Variants in ADCY5 observed in about 807,000 individuals in gnomAD.
The protein encoded by ADCY5 is adenylate cyclase type 5.
In ADCY5, 30 loss-of-function variants were observed where a neutral mutation model predicts 119.7. The observed-to-expected ratio is 0.25, with a 90% CI of 0.19 to 0.34. The LOEUF (loss-of-function observed/expected upper bound fraction) is 0.34, where lower values mean the gene tolerates loss of function less well. ADCY5 is among the 10% of genes least tolerant of loss of function. The pLI, the probability that ADCY5 is intolerant of heterozygous loss-of-function variation, is 1.00. For missense variants in ADCY5, 1,324 were observed against 1,775.2 expected, an observed-to-expected ratio of 0.75 and a Z score of 4.57; for synonymous variants, 753 against 762.2, an observed-to-expected ratio of 0.99 and a Z score of 0.20.
At chr3:123,408,648 T>C (rs1944966726) in intron 1 of ADCY5, among the ~76,000 whole-genome samples, 1 of 137,652 alleles carries the variant, frequency 7.3e-6, no homozygotes, top group South Asian at 2.3e-4. Flanking sequence ...AGAGCAAGAT[T>C]GCATCTAAAA....
rs1415900974 is a variant in ADCY5 at position 123,319,833 on chromosome 3, GC to G, written c.2112-16del. 1.2e-6 allele frequency: 2 copies of G among 1,611,244 alleles called. No homozygotes were observed. Among genetic ancestry groups the G allele is most frequent in the South Asian group, 1.1e-5 (1 of 91,008 alleles). On this transcript the variant is annotated splice_polypyrimidine_tract_variant and intron_variant, in intron 9 of 20. Transcript: ENST00000462833. ...CCTGGGCGTTCCTGGGGAGCAGAAG[GC>G]ACGGGCGTGAGACAGGCTGACCACA...
chr3:123,348,977 A>C (rs566151546), intron 2 of ADCY5, among the ~76,000 whole-genome samples: 1 of 152,124 alleles, frequency 6.6e-6, no homozygotes, highest in African/African-American at 2.4e-5. Context: ...CTGGCCCCAA[A>C]CATGGCACGT....
chr3:123,418,609 GT>G (rs1017319577), intron 1 of ADCY5, among the ~76,000 whole-genome samples: 8 of 152,162 alleles, frequency 5.3e-5, no homozygotes, highest in African/African-American at 1.9e-4. Flanking sequence ...CCTCAGCAGA[GT>G]GAGAACTCAC....
chr3:123,307,227 G>T (rs1940247038), intron 12 of ADCY5, among the ~76,000 whole-genome samples: 1 of 152,098 alleles, frequency 6.6e-6, no homozygotes, highest in South Asian at 2.1e-4. Context: ...CTTTATAAAG[G>T]TGAATTTTAT....
intron 1 of ADCY5, among the ~76,000 whole-genome samples, chr3:123,420,484 AG>A (rs1945281039): frequency 6.6e-6 from 1 of 152,154 alleles, no homozygotes. Flanking sequence ...AGAGGCAGGA[AG>A]GTAGGGTGGG....
At chr3:123,364,219 T>C (rs1305291241) in intron 1 of ADCY5, among the ~76,000 whole-genome samples, 1 of 152,208 alleles carries the variant, frequency 6.6e-6, no homozygotes, top group Non-Finnish European at 1.5e-5. Flanking sequence ...AAAGAAATAC[T>C]GATAAACTTA....
chr3:123,367,844 T>A, intron 1 of ADCY5: 1 of 1,518,200 alleles, frequency 6.6e-7, no homozygotes, highest in Admixed American at 2.1e-5. Flanking sequence ...GTCAGCAGAA[T>A]CCAGAAGAAA....
Position 123,284,312 on chromosome 3 carries a change from C to T in ADCY5, c.*296G>A. The T allele has an allele frequency of 2.7e-6, 1 of 367,250 alleles. No homozygotes were observed. Among genetic ancestry groups the T allele is most frequent in the Non-Finnish European group, 5.1e-6 (1 of 197,854 alleles). 22.7% of individuals were successfully genotyped at this position (367,250 alleles called of 1,614,324 possible). On this transcript the variant is annotated 3_prime_UTR_variant, in exon 21 of 21. Coordinates refer to ENST00000462833, the MANE Select transcript of ADCY5 (RefSeq NM_183357.3). The stretch of plus-strand genomic sequence containing the variant: ...CACACATTCCCACGGCTCCTTTCCA[C>T]CTGTGCAGCAGCACCTGTTAGAAAA...
At chr3:123,376,878 T>C (rs1943853874) in intron 1 of ADCY5, among the ~76,000 whole-genome samples, 1 of 152,206 alleles carries the variant, frequency 6.6e-6, no homozygotes, top group South Asian at 2.1e-4. Context: ...CTAGCATTCT[T>C]CCAAGAACTA....
At chr3:123,406,111 T>C (rs1244957537) in intron 1 of ADCY5, among the ~76,000 whole-genome samples, 4 of 152,210 alleles carry the variant, frequency 2.6e-5, no homozygotes, top group Non-Finnish European at 4.4e-5. Context: ...ACCTTCTTTA[T>C]TGGGTTCTTA....
chr3:123,283,372 G>A lies in ADCY5; in HGVS notation c.*1236C>T, dbSNP rs1938497935. On this transcript the variant is annotated 3_prime_UTR_variant, in exon 21 of 21. Coordinates refer to ENST00000462833, the MANE Select transcript of ADCY5 (RefSeq NM_183357.3). ...GGCACCACACTGCCTGTCGCAGGAT[G>A]AGATTGCTTCCCTTGGTTCCAGCTC... The A allele has an allele frequency of 6.6e-6, 1 of 152,266 alleles. No individual in the cohort carries two copies. Among genetic ancestry groups the A allele is most frequent in the South Asian group, 2.1e-4 (1 of 4,834 alleles). The allele number at this position is 152,266 out of a possible 1,614,324, so 9.4% of individuals were successfully genotyped here. A position where few individuals can be genotyped will look rare whatever the true frequency, so the allele number is the denominator to read the frequency against.
At chr3:123,290,194 G>A (rs914176035) in intron 18 of ADCY5, among the ~76,000 whole-genome samples, 3 of 152,068 alleles carry the variant, frequency 2.0e-5, no homozygotes, top group Admixed American at 6.5e-5. Context: ...CCACCCTCAC[G>A]CCAGGAGCCC....
At chr3:123,334,598 C>T (rs576145622) in intron 3 of ADCY5, among the ~76,000 whole-genome samples, 3 of 152,174 alleles carry the variant, frequency 2.0e-5, no homozygotes, top group South Asian at 4.2e-4. Context: ...ATTAGCTGGG[C>T]GTGGTGGCAT....
intron 1 of ADCY5, among the ~76,000 whole-genome samples, chr3:123,393,851 T>C (rs1017364193): frequency 3.3e-5 from 5 of 149,374 alleles, no homozygotes; most frequent in South Asian, 2.2e-4. Context: ...GCTTTTAAGA[T>C]AGCGGCTGGG....
intron 1 of ADCY5, among the ~76,000 whole-genome samples, chr3:123,386,149 C>A (rs759350512): frequency 6.6e-6 from 1 of 152,206 alleles, no homozygotes; most frequent in Admixed American, 6.5e-5. Context: ...CATGAATGAG[C>A]CCGAAGCAGC....
At chr3:123,372,096 A>G (rs1296098685) in intron 1 of ADCY5, among the ~76,000 whole-genome samples, 2 of 152,116 alleles carry the variant, frequency 1.3e-5, no homozygotes, top group African/African-American at 4.8e-5. Context: ...TTACTGCTGG[A>G]CTTGTCCAGG....
chr3:123,344,419 G>A (rs528226435), intron 3 of ADCY5, among the ~76,000 whole-genome samples: 16 of 152,024 alleles, frequency 1.1e-4, no homozygotes, highest in African/African-American at 2.9e-4. Flanking sequence ...CACAATTACC[G>A]AACACTTGTT....
chr3:123,325,574 C>T (rs1047224226), intron 7 of ADCY5, 112 bp from the exon 8 acceptor site: 2 of 1,362,056 alleles, frequency 1.5e-6, no homozygotes, highest in East Asian at 2.3e-5. Flanking sequence ...GCTGCCCTTT[C>T]CTCTCTGCAC....
At chr3:123,426,309 TGTTTG>T (rs1414737926) in intron 1 of ADCY5, among the ~76,000 whole-genome samples, 8 of 107,750 alleles carry the variant, frequency 7.4e-5, no homozygotes, top group African/African-American at 3.0e-4. Flanking sequence ...GTTTTTTTTT[TGTTTG>T]TTTTTGTTTG....
Sources: allele counts gnomAD v4.1 joint callset (sites outside exome capture counted in the v4.1 genomes callset), GRCh38; gene constraint gnomAD v4.1.1; transcripts MANE v1.5; gene names NCBI Gene and HGNC (gene_info 2026-07-23, HGNC 2026-07-21).